Variants in CORO2B observed in about 807,000 individuals in gnomAD.
The protein encoded by CORO2B is coronin 2B.
Under a neutral mutation model 58.8 loss-of-function variants are expected in CORO2B, and 26 were observed. The ratio of observed to expected loss-of-function variants is 0.44; its 90% CI spans 0.32 to 0.61. The LOEUF (loss-of-function observed/expected upper bound fraction) is 0.61. CORO2B is among the 20% of genes least tolerant of loss of function. The pLI is 0.04. For synonymous variants in CORO2B, 242 were observed against 253.8 expected (o/e 0.95, Z 0.44); for missense variants, 460 against 645.1 (o/e 0.71, Z 3.11).
chr15:68,579,484 C>G lies in CORO2B; in HGVS notation c.15+207C>G, dbSNP rs1039037075. Among the ~76,000 whole-genome samples, 46 of 152,192 alleles carry G rather than the reference C, an allele frequency of 3.0e-4. 1 individual carries two copies. Among genetic ancestry groups the G allele is most frequent in the African/African-American group, 1.1e-3 (46 of 41,556 alleles). Reference sequence around the variant, plus strand: ...CAGGGGGAGGATGCCGCTCTGGCAGCCCCGGCGGTTTGGCCAACATCCCTC... The same window carrying G: ...CAGGGGGAGGATGCCGCTCTGGCAGGCCCGGCGGTTTGGCCAACATCCCTC... On this transcript the variant is annotated intron_variant, in intron 1 of 11. Transcript: ENST00000261861.
chr15:68,721,683 T>A (rs764938284), intron 11 of CORO2B, among the ~76,000 whole-genome samples: 15 of 152,178 alleles, frequency 9.9e-5, no homozygotes, highest in Non-Finnish European at 1.6e-4. Flanking sequence ...CATGGTGCTA[T>A]ACTTTCTATT....
At chr15:68,520,909 C>T in the CORO2B span, among the ~76,000 whole-genome samples, 1 of 152,110 alleles carries the variant, frequency 6.6e-6, no homozygotes, top group Non-Finnish European at 1.5e-5. Flanking sequence ...ATTAGCCAGC[C>T]ATGATGGCGT....
the CORO2B span, among the ~76,000 whole-genome samples, chr15:68,537,587 C>T: frequency 6.6e-6 from 1 of 152,060 alleles, no homozygotes; most frequent in African/African-American, 2.4e-5. Flanking sequence ...ACCTGTCAAC[C>T]CGTCACCTAG....
At chr15:68,604,693 C>T (rs1437763858) in intron 1 of CORO2B, among the ~76,000 whole-genome samples, 3 of 151,994 alleles carry the variant, frequency 2.0e-5, no homozygotes, top group Non-Finnish European at 4.4e-5. Flanking sequence ...TCAGAAATCA[C>T]ACCTTCTGAG....
In CORO2B at chr15:68,645,032, G is replaced by C. The variant is rs994660659; in HGVS notation, c.16-128G>C. 2.3e-6 allele frequency: 2 copies of C among 881,700 alleles called. No homozygotes were observed. Among genetic ancestry groups the C allele is most frequent in the East Asian group, 5.3e-5 (2 of 37,508 alleles). 54.6% of individuals were successfully genotyped at this position (881,700 alleles called of 1,614,324 possible). On this transcript the variant is annotated intron_variant, in intron 1 of 11. Coordinates refer to ENST00000261861, the MANE Select transcript of CORO2B (RefSeq NM_006091.5). The surrounding 1 kb of genome is among the most constrained non-coding windows in gnomAD (Gnocchi z 4.5). The stretch of plus-strand genomic sequence containing the variant: ...TGCTTCTTCCTTTCCATCTCTTCCT[G>C]ACAGGGGACCCAGGGCCTGCTCACC...
Position 68,715,204 on chromosome 15 carries a change from C to T in CORO2B, c.871-11C>T, listed in dbSNP as rs775625407. 5.0e-6 allele frequency: 8 copies of T among 1,613,450 alleles called. No homozygotes were observed. Among genetic ancestry groups the T allele is most frequent in the South Asian group, 4.4e-5 (4 of 91,062 alleles). ...TGCCACCTTCCTCAACTCCATCTCT[C>T]CTGACCCCAGGGTGATGGAAACATC... On this transcript the variant is annotated splice_polypyrimidine_tract_variant and intron_variant, in intron 7 of 11. Transcript: ENST00000261861.
intron 1 of CORO2B, among the ~76,000 whole-genome samples, chr15:68,631,127 T>G (rs1900815356): frequency 6.6e-6 from 1 of 152,144 alleles, no homozygotes; most frequent in South Asian, 2.1e-4. Context: ...CCTGCCTCCC[T>G]TCTCCAGGAG....
At chr15:68,586,648 G>T (rs144413570) in intron 1 of CORO2B, among the ~76,000 whole-genome samples, 1 of 152,210 alleles carries the variant, frequency 6.6e-6, no homozygotes, top group African/African-American at 2.4e-5. Context: ...ACCTGTAAAA[G>T]GTGGCCCAGT....
At chr15:68,651,333 A>C (rs1901635205) in intron 2 of CORO2B, among the ~76,000 whole-genome samples, 1 of 152,116 alleles carries the variant, frequency 6.6e-6, no homozygotes. Flanking sequence ...GGGTGCGGGG[A>C]GAGGGAGGCA....
chr15:68,540,311 T>C, the CORO2B span, among the ~76,000 whole-genome samples: 1 of 152,246 alleles, frequency 6.6e-6, no homozygotes, highest in Non-Finnish European at 1.5e-5. Flanking sequence ...TCACAATGTA[T>C]TGGGAAGCTG....
the CORO2B span, among the ~76,000 whole-genome samples, chr15:68,518,526 C>G: frequency 6.6e-6 from 1 of 152,128 alleles, no homozygotes; most frequent in South Asian, 2.1e-4. Context: ...ACTCTCTTCT[C>G]TCCTCCTCCC....
rs564181993 is a variant in CORO2B, at chr15:68,665,466, A to ATATAT, written c.216+20108_216+20112dup. Among the ~76,000 whole-genome samples, 255 of 151,596 alleles carry ATATAT rather than the reference A, an allele frequency of 1.7e-3. 1 individual carries two copies. The highest frequency in any genetic ancestry group is 5.9e-3 in the African/African-American group (246 of 41,434). ...CAAACGTAGTTGGCTCTTCTAGCTT[A>ATATAT]TATATTTTAATATATAATTTTAGGA... is the stretch of plus-strand genomic sequence containing the variant. On this transcript the variant is annotated intron_variant, in intron 2 of 11. Transcript: ENST00000261861.
At chr15:68,629,524 C>T (rs1202698031) in intron 1 of CORO2B, among the ~76,000 whole-genome samples, 2 of 152,346 alleles carry the variant, frequency 1.3e-5, no homozygotes, top group South Asian at 2.1e-4. Context: ...GTTTGGTACT[C>T]AGGCAACCAA....
chr15:68,599,660 A>G (rs562661173), intron 1 of CORO2B, among the ~76,000 whole-genome samples: 15 of 152,054 alleles, frequency 9.9e-5, no homozygotes, highest in Non-Finnish European at 1.8e-4. Flanking sequence ...AAAGGAGGGA[A>G]TGCACTCTCC....
the CORO2B span, among the ~76,000 whole-genome samples, chr15:68,544,592 C>A: frequency 6.6e-6 from 1 of 152,158 alleles, no homozygotes; most frequent in East Asian, 1.9e-4. Context: ...AGGTTGGTCT[C>A]CTCAAGGAAA....
chr15:68,695,095 CA>C, intron 2 of CORO2B, 44 bp from the exon 3 acceptor site: 8 of 1,494,348 alleles, frequency 5.4e-6, no homozygotes, highest in Non-Finnish European at 7.5e-6. Context: ...ACCCCAGGGC[CA>C]TCAAACTAAT....
chr15:68,646,373 A>T (rs912823316), intron 2 of CORO2B, among the ~76,000 whole-genome samples: 1 of 152,128 alleles, frequency 6.6e-6, no homozygotes, highest in African/African-American at 2.4e-5. Flanking sequence ...CCTCCGCCAA[A>T]TCGCTCAGGG....
intron 2 of CORO2B, among the ~76,000 whole-genome samples, chr15:68,674,691 A>T (rs1029952151): frequency 2.3e-4 from 35 of 152,334 alleles, no homozygotes; most frequent in African/African-American, 8.2e-4. Flanking sequence ...CGCGAAGAAC[A>T]TCAAACTCAG....
At chr15:68,713,896 G>A in intron 5 of CORO2B, 29 bp from the exon 6 acceptor site, 1 of 1,548,182 alleles carries the variant, frequency 6.5e-7, no homozygotes, top group Non-Finnish European at 8.9e-7. Context: ...TGGGGACCCT[G>A]GCTCACCACC....
Sources: gnomAD v4.1 joint callset for allele counts (sites outside exome capture counted in the v4.1 genomes callset) on GRCh38, gnomAD v4.1.1 for gene constraint, Gnocchi (gnomAD v3.1) non-coding constraint, MANE v1.5 for transcripts, NCBI Gene and HGNC (gene_info 2026-07-23, HGNC 2026-07-21) for gene names.